The following GPRIN3 variants were observed in gnomAD, a reference collection of about 807,000 sequenced individuals.
GPRIN3 encodes the protein GPRIN family member 3.
GPRIN3 carries 12 observed loss-of-function variants against 13.7 expected under a neutral mutation model. That is an observed-to-expected ratio of 0.87 (90% confidence interval 0.56 to 1.42). GPRIN3 has a LOEUF of 1.42. GPRIN3 is among the 40% of genes most tolerant of loss of function. The pLI is 0.00. For synonymous variants in GPRIN3, 377 were observed against 372.7 expected, an observed-to-expected ratio of 1.01 and a Z score of -0.13; for missense variants, 1,009 against 958.7, an observed-to-expected ratio of 1.05 and a Z score of -0.69.
In GPRIN3 at chr4:89,239,004, C is replaced by T. The variant is rs542563503; in HGVS notation, c.*8776G>A. ...AATCCAAAATGAAGGTGTAAGTATA[C>T]GTAATTCCAAAATCTTACTTCATCT... is the stretch of plus-strand genomic sequence containing the variant. On this transcript the variant is annotated 3_prime_UTR_variant, in exon 2 of 2. Transcript: ENST00000609438. The T allele has an allele frequency of 2.0e-5, 3 of 152,216 alleles. No homozygotes were observed. The highest frequency in any genetic ancestry group is 6.5e-5 in the Admixed American group (1 of 15,292). The allele number at this position is 152,216 out of a possible 1,614,324, so 9.4% of individuals were successfully genotyped here.
At chr4:89,306,664 T>A (rs1725041653) in intron 1 of GPRIN3, among the ~76,000 whole-genome samples, 1 of 152,126 alleles carries the variant, frequency 6.6e-6, no homozygotes, top group African/African-American at 2.4e-5. Flanking sequence ...GCTCTGTTTC[T>A]CCCCTCCCCC....
At chr4:89,252,448 T>C (rs1054324314) in intron 1 of GPRIN3, among the ~76,000 whole-genome samples, 17 of 152,354 alleles carry the variant, frequency 1.1e-4, no homozygotes, top group African/African-American at 4.1e-4. Flanking sequence ...ATGAATTAAA[T>C]GATTTCTGAG....
chr4:89,290,189 A>C (rs1426546907), intron 1 of GPRIN3, among the ~76,000 whole-genome samples: 1 of 151,798 alleles, frequency 6.6e-6, no homozygotes, highest in Non-Finnish European at 1.5e-5. Flanking sequence ...GGCTGGCCTC[A>C]AACTCCTGAG....
intron 1 of GPRIN3, among the ~76,000 whole-genome samples, chr4:89,276,133 A>AT (rs201459743): frequency 1.3e-5 from 2 of 152,088 alleles, no homozygotes; most frequent in East Asian, 1.9e-4. Context: ...AATATAGGGT[A>AT]TTTTTTTATG....
chr4:89,291,828 G>T (rs1049863976), intron 1 of GPRIN3, among the ~76,000 whole-genome samples: 1 of 116,002 alleles, frequency 8.6e-6, no homozygotes, highest in Non-Finnish European at 1.8e-5. Flanking sequence ...GTACTGTCAG[G>T]GCTTTTTTTT....
At chr4:89,273,875 C>T (rs1724025643) in intron 1 of GPRIN3, among the ~76,000 whole-genome samples, 1 of 152,214 alleles carries the variant, frequency 6.6e-6, no homozygotes, top group Non-Finnish European at 1.5e-5. Flanking sequence ...GGCAGATCTT[C>T]CTCACTGTTA....
chr4:89,271,945 A>G (rs961426559), intron 1 of GPRIN3, among the ~76,000 whole-genome samples: 2 of 152,116 alleles, frequency 1.3e-5, no homozygotes, highest in African/African-American at 4.8e-5. Flanking sequence ...GACCTAATGA[A>G]TGAGATTATT....
intron 1 of GPRIN3, among the ~76,000 whole-genome samples, chr4:89,258,539 T>C (rs1427377573): frequency 6.6e-6 from 1 of 151,928 alleles, no homozygotes; most frequent in East Asian, 1.9e-4. Context: ...TATAGTAGGG[T>C]TGATGAAGAG....
chr4:89,286,205 A>G lies in GPRIN3; in HGVS notation c.-124+21410T>C, dbSNP rs550360772. ...ATTCTCTGACTGTTTTAACAATGGT[A>G]GTGAAAGGAGGCAAAAGTTAGGAGG... On this transcript the variant is annotated intron_variant, in intron 1 of 1. Transcript: ENST00000609438. Among the ~76,000 whole-genome samples the G allele has an allele frequency of 2.6e-5, 4 of 152,192 alleles. No homozygotes were observed. In the South Asian group the frequency reaches 8.3e-4, roughly 32 times the overall value.
chr4:89,299,342 G>A (rs1305881739), intron 1 of GPRIN3, among the ~76,000 whole-genome samples: 1 of 152,140 alleles, frequency 6.6e-6, no homozygotes, highest in Non-Finnish European at 1.5e-5. Flanking sequence ...ATGAGGGGAT[G>A]TTTTTAGAAA....
chr4:89,271,497 T>A (rs1358472794), intron 1 of GPRIN3, among the ~76,000 whole-genome samples: 1 of 152,168 alleles, frequency 6.6e-6, no homozygotes, highest in Non-Finnish European at 1.5e-5. Flanking sequence ...TATTTTACAT[T>A]TTTTCTAGAT....
chr4:89,262,876 T>C (rs1241869025), intron 1 of GPRIN3, among the ~76,000 whole-genome samples: 1 of 152,184 alleles, frequency 6.6e-6, no homozygotes, highest in Non-Finnish European at 1.5e-5. Context: ...TTTCAAATCA[T>C]ACATTCCTCA....
chr4:89,301,850 A>G (rs1281744800), intron 1 of GPRIN3, among the ~76,000 whole-genome samples: 1 of 152,140 alleles, frequency 6.6e-6, no homozygotes, highest in African/African-American at 2.4e-5. Flanking sequence ...ATTAGCAACA[A>G]TGCTGAGGTC....
chr4:89,262,779 G>T (rs1401696462), intron 1 of GPRIN3, among the ~76,000 whole-genome samples: 1 of 152,096 alleles, frequency 6.6e-6, no homozygotes, highest in Non-Finnish European at 1.5e-5. Context: ...CAGACTTTCT[G>T]ACTCCTGTTT....
intron 1 of GPRIN3, among the ~76,000 whole-genome samples, chr4:89,260,891 C>T (rs1723603953): frequency 6.6e-6 from 1 of 152,158 alleles, no homozygotes; most frequent in African/African-American, 2.4e-5. Flanking sequence ...ATTTAATAAG[C>T]TAACTGCCTT....
intron 1 of GPRIN3, among the ~76,000 whole-genome samples, chr4:89,264,436 T>C (rs1352888512): frequency 6.6e-6 from 1 of 152,184 alleles, no homozygotes; most frequent in Non-Finnish European, 1.5e-5. Flanking sequence ...ACCTCTTTTC[T>C]TAATAAATTA....
At chr4:89,295,109 A>G (rs890615913) in intron 1 of GPRIN3, among the ~76,000 whole-genome samples, 7 of 152,218 alleles carry the variant, frequency 4.6e-5, no homozygotes. Context: ...GACTACTCCA[A>G]AACACGAAAG....
chr4:89,276,765 C>T (rs1724104797), intron 1 of GPRIN3, among the ~76,000 whole-genome samples: 1 of 152,176 alleles, frequency 6.6e-6, no homozygotes, highest in African/African-American at 2.4e-5. Flanking sequence ...TTGATGGCAT[C>T]GTTTCTCCTA....
intron 1 of GPRIN3, among the ~76,000 whole-genome samples, chr4:89,300,683 C>T (rs949452726): frequency 1.4e-4 from 21 of 152,130 alleles, no homozygotes; most frequent in African/African-American, 5.1e-4. Context: ...TGAAAGGAGA[C>T]TGTAAGTGCA....
Sources: allele counts gnomAD v4.1 joint callset (sites outside exome capture counted in the v4.1 genomes callset), GRCh38; gene constraint gnomAD v4.1.1; transcripts MANE v1.5; gene names NCBI Gene and HGNC (gene_info 2026-07-23, HGNC 2026-07-21).